Variants in SHANK2 observed in about 807,000 individuals in gnomAD.
SHANK2 encodes SH3 and multiple ankyrin repeat domains 2.
Under a neutral mutation model 133.7 loss-of-function variants are expected in SHANK2, and 43 were observed. The ratio of observed to expected loss-of-function variants is 0.32; its 90% confidence interval spans 0.25 to 0.41. The LOEUF is 0.41. SHANK2 is among the 10% of genes least tolerant of loss of function. The pLI, the probability that SHANK2 is intolerant of heterozygous loss-of-function variation, is 1.00. For synonymous variants in SHANK2, 1,017 were observed against 952.8 expected (o/e 1.07, Z -1.24); for missense variants, 1,994 against 2,235.8 (o/e 0.89, Z 2.18).
chr11:70,888,387 A>T (rs1351374850), intron 11 of SHANK2, among the ~76,000 whole-genome samples: 1 of 152,064 alleles, frequency 6.6e-6, no homozygotes, highest in Non-Finnish European at 1.5e-5. Flanking sequence ...CTGCTCCTGG[A>T]CTCTGAAAAT....
At chr11:70,474,725 T>G (rs2058641000) in intron 25 of SHANK2, 1 of 152,204 alleles carries the variant, frequency 6.6e-6, no homozygotes, top group Non-Finnish European at 1.5e-5. Flanking sequence ...CACGTGGATA[T>G]GAACGGCCCA....
At chr11:70,502,013 C>A in intron 19 of SHANK2, 82 bp from the exon 20 acceptor site, 1 of 1,473,256 alleles carries the variant, frequency 6.8e-7, no homozygotes, top group East Asian at 2.5e-5. Flanking sequence ...AACAACGCCC[C>A]GCGAGGCTCC....
chr11:70,537,474 CAG>C (rs1456536853), intron 17 of SHANK2, among the ~76,000 whole-genome samples: 8 of 152,236 alleles, frequency 5.3e-5, no homozygotes, highest in African/African-American at 1.9e-4. Flanking sequence ...GAGATGAAGT[CAG>C]AGACAGGATG....
intron 2 of SHANK2, among the ~76,000 whole-genome samples, chr11:71,163,111 T>TATAC (rs1168851236): frequency 1.4e-5 from 2 of 137,960 alleles, no homozygotes; most frequent in Admixed American, 7.1e-5. Flanking sequence ...TATATATATA[T>TATAC]ACAGAATAGA....
intron 2 of SHANK2, among the ~76,000 whole-genome samples, chr11:71,181,007 C>T (rs915306157): frequency 2.6e-5 from 4 of 151,658 alleles, no homozygotes; most frequent in African/African-American, 9.7e-5. Context: ...AAAACAGCAG[C>T]GAAGGGATTT....
At chr11:70,800,928 G>A (rs566001944) in intron 13 of SHANK2, among the ~76,000 whole-genome samples, 6 of 152,328 alleles carry the variant, frequency 3.9e-5, no homozygotes. Flanking sequence ...TGGGCCTGGG[G>A]AGAAGGGAAC....
rs955455919 is a variant in SHANK2, at chr11:70,472,528, A to G, written c.*341T>C. On this transcript the variant is annotated 3_prime_UTR_variant, in exon 26 of 26. Coordinates refer to ENST00000601538, the MANE Select transcript of SHANK2 (RefSeq NM_012309.5). The surrounding 1 kb of genome is among the most constrained non-coding windows in gnomAD (Gnocchi z 4.4). ...GAGTGCACTGGTGTCTGCCTACAAG[A>G]GCTAGGATCCCGTGCAAAATTGACG... The G allele has an allele frequency of 1.0e-4, 39 of 385,664 alleles. No individual in the cohort carries two copies. Among genetic ancestry groups the G allele is most frequent in the Non-Finnish European group, 2.0e-5 (4 of 202,724 alleles). 23.9% of individuals were successfully genotyped at this position (385,664 alleles called of 1,614,324 possible).
At chr11:70,799,126 G>A (rs1276165020) in intron 13 of SHANK2, among the ~76,000 whole-genome samples, 1 of 151,824 alleles carries the variant, frequency 6.6e-6, no homozygotes, top group Non-Finnish European at 1.5e-5. Context: ...GTCTGGGCGC[G>A]GTGGCTCATG....
chr11:70,547,441 A>G (rs1428141645), intron 17 of SHANK2, among the ~76,000 whole-genome samples: 1 of 151,454 alleles, frequency 6.6e-6, no homozygotes, highest in African/African-American at 2.4e-5. Flanking sequence ...TTGTGTTTTT[A>G]GTAGAGATGC....
Position 70,846,039 on chromosome 11 carries a change from G to T in SHANK2, c.1175-25357C>A, listed in dbSNP as rs190102457. ...TTTCCAGAGGCTGGTGCCGAGCCCA[G>T]AGAGACCTGAACTGGGTCCCTGGGA... On this transcript the variant is annotated intron_variant, in intron 11 of 25. Coordinates refer to ENST00000601538, the MANE Select transcript of SHANK2 (RefSeq NM_012309.5). Among the ~76,000 whole-genome samples, 84 of 152,288 alleles carry T rather than the reference G, an allele frequency of 5.5e-4. 1 individual carries two copies. Among genetic ancestry groups the T allele is most frequent in the Non-Finnish European group, 1.8e-4 (12 of 68,018 alleles).
At chr11:70,868,363 G>T (rs3017481) in intron 11 of SHANK2, among the ~76,000 whole-genome samples, 1 of 152,140 alleles carries the variant, frequency 6.6e-6, no homozygotes, top group Non-Finnish European at 1.5e-5. Flanking sequence ...TAAACTCCCA[G>T]GCCTCGGTTT....
intron 9 of SHANK2, among the ~76,000 whole-genome samples, chr11:71,064,628 C>G (rs1221710924): frequency 5.3e-5 from 8 of 151,320 alleles, no homozygotes; most frequent in African/African-American, 1.7e-4. Context: ...CAGGGAGAGA[C>G]AGCAGGGCCC....
At chr11:70,905,113 A>T (rs1195828255) in intron 10 of SHANK2, among the ~76,000 whole-genome samples, 7 of 152,144 alleles carry the variant, frequency 4.6e-5, no homozygotes, top group African/African-American at 1.7e-4. Flanking sequence ...ACAGCCCCAC[A>T]GGGACTCAGT....
intron 3 of SHANK2, among the ~76,000 whole-genome samples, chr11:71,129,215 T>A (rs1398028384): frequency 1.3e-5 from 2 of 152,236 alleles, no homozygotes; most frequent in Admixed American, 6.5e-5. Flanking sequence ...AGGTCTGGAC[T>A]TCACAGCGGG....
At chr11:70,631,517 C>T (rs1555002221) in intron 17 of SHANK2, among the ~76,000 whole-genome samples, 1 of 152,174 alleles carries the variant, frequency 6.6e-6, no homozygotes, top group East Asian at 1.9e-4. Flanking sequence ...GCTCCTAATC[C>T]ACTCGGCAAA....
intron 10 of SHANK2, among the ~76,000 whole-genome samples, chr11:70,948,680 G>A (rs1000445978): frequency 2.0e-5 from 3 of 152,176 alleles, no homozygotes; most frequent in African/African-American, 2.4e-5. Flanking sequence ...TGCAGGGAGC[G>A]GTGGGGAGTG....
chr11:71,074,111 T>C (rs1287632756), intron 9 of SHANK2, among the ~76,000 whole-genome samples: 1 of 152,158 alleles, frequency 6.6e-6, no homozygotes, highest in Non-Finnish European at 1.5e-5. Context: ...CTCTGTTTCC[T>C]CCCTTCTACA....
At chr11:71,063,943 C>T (rs1951016532) in intron 9 of SHANK2, among the ~76,000 whole-genome samples, 1 of 152,078 alleles carries the variant, frequency 6.6e-6, no homozygotes, top group African/African-American at 2.4e-5. Flanking sequence ...GCTGGACCCC[C>T]AGACCCCATC....
chr11:70,551,727 T>G (rs782454825), intron 17 of SHANK2, among the ~76,000 whole-genome samples: 17 of 152,256 alleles, frequency 1.1e-4, no homozygotes, highest in Non-Finnish European at 1.9e-4. Flanking sequence ...CATAGCCCTA[T>G]ATCCCACTTA....
Sources: allele counts gnomAD v4.1 joint callset (sites outside exome capture counted in the v4.1 genomes callset), GRCh38; gene constraint gnomAD v4.1.1; non-coding constraint Gnocchi (gnomAD v3.1); transcripts MANE v1.5; gene names NCBI Gene and HGNC (gene_info 2026-07-23, HGNC 2026-07-21).